Variants in ALKAL2 observed in about 807,000 individuals in gnomAD.
ALKAL2 encodes AUG-alpha.
ALKAL2 carries 8 observed loss-of-function variants against 18.5 expected under a neutral mutation model. The observed-to-expected ratio is 0.43, with a 90% CI of 0.25 to 0.78. The LOEUF (loss-of-function observed/expected upper bound fraction) is 0.78, where lower values mean the gene tolerates loss of function less well. ALKAL2 is among the 30% of genes least tolerant of loss of function. The pLI is 0.22. For synonymous variants in ALKAL2, 135 were observed against 95.8 expected (o/e 1.41, Z -2.39); for missense variants, 241 against 211.2 (o/e 1.14, Z -0.88).
chr2:283,040 T>A (rs1670402119), intron 5 of ALKAL2, 71 bp downstream of exon 5: 1 of 1,461,724 alleles, frequency 6.8e-7, no homozygotes, highest in African/African-American at 1.4e-5. Flanking sequence ...TAAACTCCCA[T>A]GAATTTTTCA....
chr2:283,678 C>T (rs905434130), intron 4 of ALKAL2: 60 of 734,706 alleles, frequency 8.2e-5, no homozygotes, highest in Admixed American at 1.9e-4. Flanking sequence ...CGTTTCTAAG[C>T]GCTGGCTGAT....
chr2:283,550 C>G, intron 4 of ALKAL2: 1 of 985,388 alleles, frequency 1.0e-6, no homozygotes, highest in Non-Finnish European at 1.2e-6. Context: ...CAGGCTGAAT[C>G]CCAACTTGAG....
At position 288,026 on chromosome 2, in the gene ALKAL2, G is replaced by A. The variant is rs1015750631; in HGVS notation, c.-71C>T. On this transcript the variant is annotated 5_prime_UTR_variant, in exon 1 of 6. Transcript: ENST00000403610. ...CCGGCCCCTCACCTCCGCGGACCCC[G>A]AGGAACAAGCCGGCAGGTGAGGGAG... 4 of 1,223,044 alleles carry A rather than the reference G, an allele frequency of 3.3e-6. No homozygotes were observed. The highest frequency in any genetic ancestry group is 1.6e-5 in the African/African-American group (1 of 63,380). The allele number at this position is 1,223,044 out of a possible 1,614,324, so 75.8% of individuals were successfully genotyped here. A position where few individuals can be genotyped will look rare whatever the true frequency, so the allele number is the denominator to read the frequency against.
Position 283,065 on chromosome 2 carries a change from T to C in ALKAL2, c.453+46A>G, listed in dbSNP as rs78419782. 2.0e-4 allele frequency: 309 copies of C among 1,561,152 alleles called. 1 individual carries two copies. In the East Asian group the frequency reaches 6.9e-3, roughly 35 times the overall value. ...TGAATTTTTCATGTCCCAAGCGGGA[T>C]TCCCATCTTTGGTATGTGCTCCAGT... On this transcript the variant is annotated intron_variant, in intron 5 of 5. Transcript: ENST00000403610.
chr2:280,217 C>T lies in ALKAL2; in HGVS notation c.454-65G>A, dbSNP rs371194730. On this transcript the variant is annotated intron_variant, in intron 5 of 5. Coordinates refer to ENST00000403610, the MANE Select transcript of ALKAL2 (RefSeq NM_001002919.3). ...CTTCTTAATGTCAATTCCAGAAGAC[C>T]TGTCACTTCAGTTAGGGGACACAAC... 1.1e-3 allele frequency: 1,731 copies of T among 1,584,856 alleles called. 2 individuals carry two copies. Among genetic ancestry groups the T allele is most frequent in the Middle Eastern group, 4.6e-3 (28 of 6,030 alleles).
rs1049442505 is a variant in ALKAL2, at chr2:287,762, C to G, written c.74G>C (p.Gly25Ala). The part of the protein sequence containing the change: ...VLGAAGRGRG[G>A]AEPREPADGQ... Reference sequence around the variant, plus strand: ...GTCCGCCGGCTCCCGGGGCTCCGCGCCCCCCCGGCCGCGCCCCGCCGCCCC... The same window carrying G: ...GTCCGCCGGCTCCCGGGGCTCCGCGGCCCCCCGGCCGCGCCCCGCCGCCCC... Residue 25 changes from glycine to alanine, a missense_variant, in exon 2 of 6, where the codon GGC becomes GCC. By Grantham distance (60) the Gly-to-Ala change is moderately conservative. Coordinates refer to ENST00000403610, the MANE Select transcript of ALKAL2 (RefSeq NM_001002919.3). 21 of 1,429,052 alleles carry G rather than the reference C, an allele frequency of 1.5e-5. No homozygotes were observed. Among genetic ancestry groups the G allele is most frequent in the Non-Finnish European group, 1.9e-5 (21 of 1,095,462 alleles). 88.5% of individuals were successfully genotyped at this position (1,429,052 alleles called of 1,614,324 possible). A position where few individuals can be genotyped will look rare whatever the true frequency, so the allele number is the denominator to read the frequency against.
chr2:287,922 G>A (rs1670584031), intron 1 of ALKAL2, 30 bp from the exon 2 acceptor site: 1 of 1,222,986 alleles, frequency 8.2e-7, no homozygotes, highest in African/African-American at 1.6e-5. Context: ...GGGGGCCGGA[G>A]AGAAAGTCAG....
intron 4 of ALKAL2, 194 bp from the exon 5 acceptor site, chr2:283,369 G>A (rs1042241293): frequency 1.0e-6 from 1 of 985,438 alleles, no homozygotes; most frequent in Non-Finnish European, 1.2e-6. Flanking sequence ...TCAAGGGCTT[G>A]AGCTTCAATG....
At chr2:284,741 C>G (rs891742979) in intron 4 of ALKAL2, among the ~76,000 whole-genome samples, 2 of 152,206 alleles carry the variant, frequency 1.3e-5, no homozygotes, top group Admixed American at 1.3e-4. Flanking sequence ...AAAGCAATTC[C>G]TCATCCATAA....
chr2:286,393 A>T (rs774680987), intron 2 of ALKAL2, 50 bp from the exon 3 acceptor site: 3 of 1,416,078 alleles, frequency 2.1e-6, no homozygotes, highest in Non-Finnish European at 2.9e-6. Context: ...CGCATTTTTT[A>T]AAAATGTGAT....
At chr2:281,891 CAT>C (rs1670366932) in intron 5 of ALKAL2, among the ~76,000 whole-genome samples, 1 of 152,106 alleles carries the variant, frequency 6.6e-6, no homozygotes, top group Non-Finnish European at 1.5e-5. Flanking sequence ...CTGTGTGACA[CAT>C]AGGCAGTGGA....
intron 4 of ALKAL2, among the ~76,000 whole-genome samples, chr2:285,055 G>T (rs1360446144): frequency 1.3e-5 from 2 of 152,134 alleles, no homozygotes; most frequent in Non-Finnish European, 2.9e-5. Flanking sequence ...GTTGCTAAAG[G>T]TATGGTCAGA....
At chr2:284,451 C>T (rs1438901578) in intron 4 of ALKAL2, among the ~76,000 whole-genome samples, 2 of 152,122 alleles carry the variant, frequency 1.3e-5, no homozygotes, top group African/African-American at 2.4e-5. Context: ...TACAGCCTGA[C>T]GCAGTAAAAA....
At chr2:285,190 A>G (rs1670469428) in intron 4 of ALKAL2, among the ~76,000 whole-genome samples, 1 of 152,240 alleles carries the variant, frequency 6.6e-6, no homozygotes, top group Non-Finnish European at 1.5e-5. Flanking sequence ...ATTGGCATGC[A>G]CCCGGCACAC....
At position 287,825 on chromosome 2, in the gene ALKAL2, G is replaced by C. The variant is rs1457278201; in HGVS notation, c.11C>G (p.Pro4Arg). Residue 4 changes from proline to arginine, a missense_variant, in exon 2 of 6, where the codon CCC (proline) becomes CGC (arginine). Pro to Arg is a moderately radical substitution (Grantham distance 103). Transcript: ENST00000403610. MRG[P>R]GHPLLLGLLL... ...CAGCCCCAGGAGGAGGGGGTGCCCG[G>C]GTCCGCGCATCGTGCGCTCGGGGCC... The C allele has an allele frequency of 7.6e-7, 1 of 1,320,952 alleles. No homozygotes were observed. Among genetic ancestry groups the C allele is most frequent in the African/African-American group, 1.5e-5 (1 of 64,770 alleles). 81.8% of individuals were successfully genotyped at this position (1,320,952 alleles called of 1,614,324 possible).
intron 5 of ALKAL2, among the ~76,000 whole-genome samples, 193 bp from the exon 6 acceptor site, chr2:280,345 T>C (rs1432210162): frequency 6.6e-6 from 1 of 152,224 alleles, no homozygotes; most frequent in Admixed American, 6.5e-5. Context: ...CTGCAGTTGT[T>C]ACATGGCTGC....
intron 4 of ALKAL2, among the ~76,000 whole-genome samples, chr2:285,200 C>G (rs1572207394): frequency 1.3e-5 from 2 of 152,342 alleles, no homozygotes; most frequent in Admixed American, 6.5e-5. Flanking sequence ...ACCCGGCACA[C>G]AGAAGCAGCT....
At position 283,180 on chromosome 2, in the gene ALKAL2, G is replaced by T; in HGVS notation, c.389-5C>A. On this transcript the variant is annotated splice_polypyrimidine_tract_variant and splice_region_variant and intron_variant, in intron 4 of 5. Coordinates refer to ENST00000403610, the MANE Select transcript of ALKAL2 (RefSeq NM_001002919.3). ...GCCTGGCGCATCTTTTATAGTCTACGGTGAAAATATATCAGACTCTTGTCA... is the reference window on the plus strand; with the variant it reads ...GCCTGGCGCATCTTTTATAGTCTACTGTGAAAATATATCAGACTCTTGTCA... 1 of 1,612,124 alleles carries T rather than the reference G, an allele frequency of 6.2e-7. No individual in the cohort carries two copies. Among genetic ancestry groups the T allele is most frequent in the Non-Finnish European group, 8.5e-7 (1 of 1,179,188 alleles).
intron 2 of ALKAL2, 159 bp downstream of exon 2, chr2:287,424 C>A: frequency 1.8e-6 from 1 of 553,140 alleles, no homozygotes. Flanking sequence ...ATGCGCGGAC[C>A]TATTGCTGCT....
Sources: gnomAD v4.1 joint callset for allele counts (sites outside exome capture counted in the v4.1 genomes callset) on GRCh38, gnomAD v4.1.1 for gene constraint, MANE v1.5 for transcripts, NCBI Gene and HGNC (gene_info 2026-07-23, HGNC 2026-07-21) for gene names.